Variants in KIAA2012 observed in about 807,000 individuals in gnomAD.
KIAA2012 encodes KIAA2012.
Under a neutral mutation model 150.6 loss-of-function variants are expected in KIAA2012, and 125 were observed. That is an observed-to-expected ratio of 0.83 (90% CI 0.72 to 0.96). The LOEUF (loss-of-function observed/expected upper bound fraction) is 0.96. KIAA2012 is among the 40% of genes least tolerant of loss of function. The pLI, the probability that KIAA2012 is intolerant of heterozygous loss-of-function variation, is 0.00. For missense variants in KIAA2012, 1,219 were observed against 1,354.9 expected (o/e 0.90, Z 1.57); for synonymous variants, 462 against 504.7 (o/e 0.92, Z 1.13).
intron 19 of KIAA2012, among the ~76,000 whole-genome samples, chr2:202,192,547 T>C (rs1692342245): frequency 6.8e-6 from 1 of 146,098 alleles, no homozygotes. Context: ...AACCTCTGCC[T>C]CCCGGGTTCA....
rs957059808 is a variant in KIAA2012, at chr2:202,114,855, T to C, written c.1762+1409T>C. 4.2e-5 allele frequency: 7 copies of C among 166,494 alleles called. No homozygotes were observed. In the Admixed American group the frequency reaches 4.6e-4, roughly 11 times the overall value. The allele number at this position is 166,494 out of a possible 1,614,324, so 10.3% of individuals were successfully genotyped here. A position where few individuals can be genotyped will look rare whatever the true frequency, so the allele number is the denominator to read the frequency against. ...CCACAGATGGTATATTTAATCCTAC[T>C]TGCCTCTCAAACCTAAAGGCATTCA... is the stretch of plus-strand genomic sequence containing the variant. On this transcript the variant is annotated intron_variant, in intron 11 of 23. Coordinates refer to ENST00000498697, the MANE Select transcript of KIAA2012 (RefSeq NM_001277372.4).
At chr2:202,188,956 A>C (rs1452242175) in intron 18 of KIAA2012, among the ~76,000 whole-genome samples, 1 of 152,130 alleles carries the variant, frequency 6.6e-6, no homozygotes, top group Non-Finnish European at 1.5e-5. Context: ...GATTCAGAAG[A>C]CCCTCCAAAC....
At chr2:202,115,707 G>C (rs915909673) in intron 11 of KIAA2012, 1 of 150,750 alleles carries the variant, frequency 6.6e-6, no homozygotes, top group African/African-American at 2.4e-5. Flanking sequence ...AAGTTCTTTA[G>C]GGATCATAGT....
intron 10 of KIAA2012, among the ~76,000 whole-genome samples, chr2:202,111,957 T>C (rs1325048428): frequency 1.3e-5 from 2 of 152,168 alleles, no homozygotes; most frequent in African/African-American, 4.8e-5. Flanking sequence ...CCTGGACTCT[T>C]TGTCTTGGAG....
intron 23 of KIAA2012, among the ~76,000 whole-genome samples, chr2:202,203,922 A>C (rs1237491641): frequency 6.6e-6 from 1 of 151,962 alleles, no homozygotes; most frequent in Non-Finnish European, 1.5e-5. Flanking sequence ...GGCCCCCGCC[A>C]CCATGCCTGG....
In KIAA2012 at chr2:202,201,901, C is replaced by T. The variant is rs1433528971; in HGVS notation, c.3408-528C>T. 9 of 966,512 alleles carry T rather than the reference C, an allele frequency of 9.3e-6. No homozygotes were observed. In the Admixed American group the frequency reaches 1.6e-4, roughly 17 times the overall value. The allele number at this position is 966,512 out of a possible 1,614,324, so 59.9% of individuals were successfully genotyped here. A position where few individuals can be genotyped will look rare whatever the true frequency, so the allele number is the denominator to read the frequency against. On this transcript the variant is annotated intron_variant, in intron 22 of 23. Transcript: ENST00000498697. ...TTGCTGTTCATGGTGGCTGCAGGTC[C>T]GGTTCGTCTCGGCATCAGGGACGGT...
intron 20 of KIAA2012, 122 bp from the exon 21 acceptor site, chr2:202,194,068 T>C (rs1692364682): frequency 2.0e-6 from 2 of 1,018,260 alleles, no homozygotes; most frequent in Admixed American, 2.8e-5. Context: ...CTCCTGGGAA[T>C]AGGTTGCTCC....
chr2:202,110,512 T>C (rs1690318608), intron 10 of KIAA2012, among the ~76,000 whole-genome samples: 1 of 152,232 alleles, frequency 6.6e-6, no homozygotes, highest in African/African-American at 2.4e-5. Flanking sequence ...TCCAGGCAGC[T>C]GTTTCTGCTT....
chr2:202,154,545 G>A (rs1691485626), intron 13 of KIAA2012, 128 bp from the exon 14 acceptor site: 1 of 813,514 alleles, frequency 1.2e-6, no homozygotes, highest in Non-Finnish European at 1.9e-6. Context: ...AGTAACAATA[G>A]TTGCTGCGTA....
At chr2:202,168,443 A>G (rs552731821) in intron 15 of KIAA2012, among the ~76,000 whole-genome samples, 19 of 152,054 alleles carry the variant, frequency 1.2e-4, no homozygotes, top group Admixed American at 1.0e-3. Context: ...AAGAAAGAAA[A>G]AAAAAGAAAA....
rs546099788 is a variant in KIAA2012, at chr2:202,183,124, A to G, written c.2120-1629A>G. On this transcript the variant is annotated intron_variant, in intron 15 of 23. Transcript: ENST00000498697. The stretch of plus-strand genomic sequence containing the variant: ...CCCTTCCTCATATCCTCATAAGATA[A>G]CATTTGTTTTTTTGGCCAGGCATGG... 1.8e-3 allele frequency among the ~76,000 whole-genome samples: 279 copies of G among 152,252 alleles called. 1 individual carries two copies. The highest frequency in any genetic ancestry group is 6.4e-3 in the African/African-American group (264 of 41,550).
chr2:202,147,723 C>T (rs1028604469), intron 13 of KIAA2012, among the ~76,000 whole-genome samples: 10 of 152,088 alleles, frequency 6.6e-5, no homozygotes, highest in African/African-American at 1.4e-4. Context: ...AGTTGAGATT[C>T]CCTGTCTGTC....
At chr2:202,171,138 CACAG>C (rs1459367654) in intron 15 of KIAA2012, among the ~76,000 whole-genome samples, 1 of 145,288 alleles carries the variant, frequency 6.9e-6, no homozygotes, top group Non-Finnish European at 1.5e-5. Flanking sequence ...CACACACACA[CACAG>C]ACATATACAC....
chr2:202,103,175 T>C, intron 8 of KIAA2012, 61 bp downstream of exon 8: 1 of 1,482,822 alleles, frequency 6.7e-7, no homozygotes, highest in Non-Finnish European at 9.1e-7. Context: ...TCCTGCCACT[T>C]CTACATGCTC....
chr2:202,200,446 G>A (rs1290382963), intron 22 of KIAA2012, among the ~76,000 whole-genome samples: 1 of 152,066 alleles, frequency 6.6e-6, no homozygotes, highest in Non-Finnish European at 1.5e-5. Context: ...CACAGAGGGG[G>A]TTTCAGAGGA....
chr2:202,160,866 T>C (rs1691639506), intron 14 of KIAA2012, among the ~76,000 whole-genome samples: 1 of 152,174 alleles, frequency 6.6e-6, no homozygotes, highest in African/African-American at 2.4e-5. Flanking sequence ...GTGTAGAAGC[T>C]GAGGTTCTAT....
At chr2:202,115,448 G>A (rs1049508742) in intron 11 of KIAA2012, 2 of 151,886 alleles carry the variant, frequency 1.3e-5, no homozygotes, top group Non-Finnish European at 2.9e-5. Flanking sequence ...CAAATATTTA[G>A]AATAGCTTTA....
At chr2:202,193,743 G>A (rs1248081329) in intron 20 of KIAA2012, among the ~76,000 whole-genome samples, 3 of 152,180 alleles carry the variant, frequency 2.0e-5, no homozygotes, top group Non-Finnish European at 4.4e-5. Context: ...TTCAAGTTTA[G>A]AACCCCATGT....
chr2:202,178,192 CTGT>C, intron 15 of KIAA2012, among the ~76,000 whole-genome samples: 2 of 151,588 alleles, frequency 1.3e-5, no homozygotes, highest in South Asian at 4.3e-4. Flanking sequence ...GAGTGAGACT[CTGT>C]CTCAGAAAAA....
Sources: gnomAD v4.1 joint callset for allele counts (sites outside exome capture counted in the v4.1 genomes callset) on GRCh38, gnomAD v4.1.1 for gene constraint, MANE v1.5 for transcripts, NCBI Gene and HGNC (gene_info 2026-07-23, HGNC 2026-07-21) for gene names.